The following USH2A variants were observed in gnomAD, a reference collection of about 807,000 sequenced individuals.
The protein encoded by USH2A is usherin.
Under a neutral mutation model 538.9 loss-of-function variants are expected in USH2A, and 443 were observed. That is an observed-to-expected ratio of 0.82 (90% CI 0.76 to 0.89). The LOEUF (loss-of-function observed/expected upper bound fraction) is 0.89. Ranked by LOEUF, USH2A falls within the 40% of genes least tolerant of loss-of-function variation. The pLI, the probability that USH2A is intolerant of heterozygous loss-of-function variation, is 0.00. For missense variants in USH2A, 6,633 were observed against 6,324.8 expected (o/e 1.05, Z -1.65); for synonymous variants, 2,413 against 2,273.5 (o/e 1.06, Z -1.75).
At position 215,674,678 on chromosome 1, in the gene USH2A, C is replaced by T; in HGVS notation, c.13233G>A (p.Leu4411=). 1 of 1,614,112 alleles carries T rather than the reference C, an allele frequency of 6.2e-7. No homozygotes were observed. The highest frequency in any genetic ancestry group is 8.5e-7 in the Non-Finnish European group (1 of 1,180,010). The change falls in exon 63 of 72, where the codon CTG becomes CTA. Residue 4411 remains leucine (L), a synonymous_variant. Coordinates refer to ENST00000307340, the MANE Select transcript of USH2A (RefSeq NM_206933.4). The stretch of plus-strand genomic sequence containing the variant: ...AGAAGTTATACTGAGAGTAAGGCTG[C>T]AGGTGGGAAACCAGCAGGCACAGGC... ...GQGLCLLVSH[L]QPYSQYNFSL...
intron 44 of USH2A, among the ~76,000 whole-genome samples, chr1:215,857,866 C>G (rs1664211954): frequency 6.6e-6 from 1 of 152,080 alleles, no homozygotes; most frequent in South Asian, 2.1e-4. Flanking sequence ...AGGGAAGTAA[C>G]CCTAATGGTG....
intron 61 of USH2A, among the ~76,000 whole-genome samples, chr1:215,694,927 T>G (rs1304220244): frequency 2.0e-5 from 3 of 152,214 alleles, no homozygotes; most frequent in Admixed American, 2.0e-4. Flanking sequence ...TGATAAAACT[T>G]TAGCAGTCTT....
At chr1:215,825,526 AT>A (rs754655364) in intron 47 of USH2A, among the ~76,000 whole-genome samples, 39 of 152,280 alleles carry the variant, frequency 2.6e-4, no homozygotes, top group Non-Finnish European at 4.3e-4. Flanking sequence ...TCATTCTAAT[AT>A]TTTTCCCCAA....
In USH2A at chr1:216,141,401, G is replaced by T. The variant is rs138151804; in HGVS notation, c.4627+33851C>A. 4.7e-3 allele frequency among the ~76,000 whole-genome samples: 719 copies of T among 152,296 alleles called. 5 individuals carry two copies. The highest frequency in any genetic ancestry group is 0.016 in the African/African-American group (682 of 41,572). ...AGCATCACAGGAGTCTACAGAGGCTGACATTTTCCGTAAAATTCCTCCATT... is the reference window on the plus strand; with the variant it reads ...AGCATCACAGGAGTCTACAGAGGCTTACATTTTCCGTAAAATTCCTCCATT... On this transcript the variant is annotated intron_variant, in intron 21 of 71. Coordinates refer to ENST00000307340, the MANE Select transcript of USH2A (RefSeq NM_206933.4).
At chr1:216,052,746 T>A (rs1422023969) in intron 30 of USH2A, among the ~76,000 whole-genome samples, 1 of 152,222 alleles carries the variant, frequency 6.6e-6, no homozygotes, top group Non-Finnish European at 1.5e-5. Context: ...AAGGTCATTT[T>A]ATTGTTGGAG....
chr1:215,837,961 C>T (rs201843091), intron 47 of USH2A, 30 bp downstream of exon 47: 9 of 1,537,882 alleles, frequency 5.9e-6, no homozygotes, highest in Admixed American at 1.7e-5. Flanking sequence ...ATCAGAGTTC[C>T]TTAGATTTAA....
At chr1:215,693,250 G>A (rs1393902942) in intron 61 of USH2A, among the ~76,000 whole-genome samples, 2 of 151,526 alleles carry the variant, frequency 1.3e-5, no homozygotes, top group African/African-American at 2.4e-5. Flanking sequence ...CAAATTGTTG[G>A]GATTACAGGT....
chr1:215,705,762 C>A (rs1029906356), intron 61 of USH2A, among the ~76,000 whole-genome samples: 2 of 152,126 alleles, frequency 1.3e-5, no homozygotes, highest in African/African-American at 4.8e-5. Flanking sequence ...AGTCGACCAG[C>A]AATGACACAA....
At chr1:215,971,061 C>T (rs1216722246) in intron 35 of USH2A, among the ~76,000 whole-genome samples, 1 of 152,040 alleles carries the variant, frequency 6.6e-6, no homozygotes, top group Non-Finnish European at 1.5e-5. Context: ...CATGTGTGTT[C>T]CAGATCAAAA....
At chr1:215,912,144 T>TG (rs549396743) in intron 38 of USH2A, among the ~76,000 whole-genome samples, 305 of 152,126 alleles carry the variant, frequency 2.0e-3, no homozygotes, top group African/African-American at 6.9e-3. Flanking sequence ...TTCCATTCTG[T>TG]GGGGTGTTCC....
chr1:215,999,747 C>A (rs941912882), intron 33 of USH2A, among the ~76,000 whole-genome samples: 1 of 152,098 alleles, frequency 6.6e-6, no homozygotes, highest in Admixed American at 6.6e-5. Flanking sequence ...ATGAAGCCAA[C>A]AGGAGAATTT....
intron 36 of USH2A, among the ~76,000 whole-genome samples, chr1:215,967,491 T>A (rs1667378081): frequency 6.6e-6 from 1 of 152,160 alleles, no homozygotes; most frequent in Admixed American, 6.6e-5. Flanking sequence ...TTAATAAAAC[T>A]CTTGCAATGC....
chr1:215,876,617 A>G (rs1009542615), intron 43 of USH2A, among the ~76,000 whole-genome samples: 5 of 152,186 alleles, frequency 3.3e-5, no homozygotes, highest in Admixed American at 3.3e-4. Context: ...GTGTTTAGAC[A>G]AGCAGTCAGG....
At chr1:215,728,764 G>T (rs1659906776) in intron 60 of USH2A, among the ~76,000 whole-genome samples, 1 of 152,048 alleles carries the variant, frequency 6.6e-6, no homozygotes, top group Non-Finnish European at 1.5e-5. Flanking sequence ...TGCAATACAA[G>T]AAAACAAACA....
intron 35 of USH2A, among the ~76,000 whole-genome samples, chr1:215,978,688 C>G (rs1417226228): frequency 6.6e-6 from 1 of 152,138 alleles, no homozygotes; most frequent in African/African-American, 2.4e-5. Flanking sequence ...AAATAGTAGA[C>G]AGTAGGTACA....
chr1:215,817,931 T>G (rs932045694), intron 47 of USH2A, among the ~76,000 whole-genome samples: 1 of 152,012 alleles, frequency 6.6e-6, no homozygotes, highest in Non-Finnish European at 1.5e-5. Flanking sequence ...TTCCTCTTTC[T>G]TCTCCTACTT....
At chr1:216,086,034 T>C (rs2032120391) in intron 24 of USH2A, among the ~76,000 whole-genome samples, 1 of 152,132 alleles carries the variant, frequency 6.6e-6, no homozygotes, top group Non-Finnish European at 1.5e-5. Flanking sequence ...TGATTCTTAA[T>C]GAGGACTTGG....
Position 215,844,562 on chromosome 1 carries a change from T to G in USH2A, c.9056-66A>C, listed in dbSNP as rs1371084866. 7 of 1,537,066 alleles carry G rather than the reference T, an allele frequency of 4.6e-6. No homozygotes were observed. In the East Asian group the frequency reaches 1.4e-4, roughly 30 times the overall value. ...CTGAAAAAGCACATGTTAAGCTAAA[T>G]GCAGATTAGTATTTAGGTTTAGCAA... On this transcript the variant is annotated intron_variant, in intron 45 of 71. Transcript: ENST00000307340.
intron 15 of USH2A, among the ~76,000 whole-genome samples, chr1:216,208,749 G>A (rs1206126424): frequency 6.6e-6 from 1 of 152,104 alleles, no homozygotes; most frequent in Non-Finnish European, 1.5e-5. Context: ...CATCAACAAA[G>A]GGAAAAGGCA....
Sources: gnomAD v4.1 joint callset for allele counts (sites outside exome capture counted in the v4.1 genomes callset) on GRCh38, gnomAD v4.1.1 for gene constraint, MANE v1.5 for transcripts, NCBI Gene and HGNC (gene_info 2026-07-23, HGNC 2026-07-21) for gene names.